ATF7IP: variants seen among roughly 807,000 people sequenced by gnomAD.
ATF7IP encodes the protein activating transcription factor 7 interacting protein.
ATF7IP carries 23 observed loss-of-function variants against 106.4 expected under a neutral mutation model. The ratio of observed to expected loss-of-function variants is 0.22; its 90% CI spans 0.16 to 0.31. ATF7IP has a LOEUF of 0.31. Ranked by LOEUF, ATF7IP falls within the 10% of genes least tolerant of loss-of-function variation. The probability of loss-of-function intolerance (pLI) is 1.00; values close to 1 mark genes in which losing one functional copy is unlikely to be tolerated. For missense variants in ATF7IP, 1,334 were observed against 1,524.3 expected, an observed-to-expected ratio of 0.88 and a Z score of 2.08; for synonymous variants, 542 against 539.0, an observed-to-expected ratio of 1.01 and a Z score of -0.08.
Position 14,425,092 on chromosome 12 carries a change from G to T in ATF7IP, c.1177G>T (p.Asp393Tyr). 1.9e-6 allele frequency: 3 copies of T among 1,589,862 alleles called. No individual in the cohort carries two copies. The South Asian group carries it at 3.5e-5, about 19-fold the overall frequency. ...TGCTATATCTAGCAGTATGGAAATT[G>T]ACCAAGGTGAAAAGAATGAAGATGA... ...EDAISSSMEI[D>Y]QGEKNEDETS... The change falls in exon 2 of 15, where the codon GAC (aspartate) becomes TAC (tyrosine). Residue 393 changes from aspartate to tyrosine, a missense_variant. Physicochemically the swap from Asp to Tyr is radical, Grantham distance 160. Around this residue, in one of 10 missense-constraint regions of ATF7IP, gnomAD observed 438 missense variants for 405.3 expected, o/e 1.08. Transcript: ENST00000261168.
chr12:14,490,364 A>G (rs1420715671), intron 13 of ATF7IP, among the ~76,000 whole-genome samples: 1 of 152,038 alleles, frequency 6.6e-6, no homozygotes, highest in Non-Finnish European at 1.5e-5. Context: ...CTCTTCCCCA[A>G]ATTTCTTTGT....
Position 14,501,871 on chromosome 12 carries a change from A to G in ATF7IP, c.*3798A>G, listed in dbSNP as rs1945167788. 1.3e-5 allele frequency: 2 copies of G among 152,234 alleles called. No individual in the cohort carries two copies. Among genetic ancestry groups the G allele is most frequent in the Non-Finnish European group, 2.9e-5 (2 of 68,044 alleles). The allele number at this position is 152,234 out of a possible 1,614,324, so 9.4% of individuals were successfully genotyped here. A position where few individuals can be genotyped will look rare whatever the true frequency, so the allele number is the denominator to read the frequency against. ...TGCTCTTTTGCTTTAAATATTCTCC[A>G]AATTACCATTTATGCAACATGGTTA... On this transcript the variant is annotated 3_prime_UTR_variant, in exon 15 of 15. Coordinates refer to ENST00000261168, the MANE Select transcript of ATF7IP (RefSeq NM_018179.5).
chr12:14,378,592 T>C (rs1206773937), intron 1 of ATF7IP, among the ~76,000 whole-genome samples: 1 of 152,256 alleles, frequency 6.6e-6, no homozygotes, highest in Non-Finnish European at 1.5e-5. Flanking sequence ...TGTTCTCTTA[T>C]GACCATTTAA....
intron 5 of ATF7IP, among the ~76,000 whole-genome samples, chr12:14,446,456 GT>G (rs1398905270): frequency 6.6e-6 from 1 of 152,106 alleles, no homozygotes; most frequent in Non-Finnish European, 1.5e-5. Context: ...CCAAGGTAAT[GT>G]TTTTATCAGA....
At position 14,496,340 on chromosome 12, in the gene ATF7IP, T is replaced by C; in HGVS notation, c.3390T>C (p.His1130=). 1 of 1,609,708 alleles carries C rather than the reference T, an allele frequency of 6.2e-7. No homozygotes were observed. Among genetic ancestry groups the C allele is most frequent in the Non-Finnish European group, 8.5e-7 (1 of 1,176,186 alleles). Residue 1130 remains histidine (H), a synonymous_variant, in exon 14 of 15, where the codon CAT becomes CAC. Coordinates refer to ENST00000261168, the MANE Select transcript of ATF7IP (RefSeq NM_018179.5). ...TGCATCACCGACCACCACAAGTGCA[T>C]ACTGTAAGTGTTGATGCTTGGTTTT... is the stretch of plus-strand genomic sequence containing the variant. ...LTVHHRPPQV[H]TEPPRPVHPA... is the part of the protein sequence containing the mutation.
At chr12:14,391,477 C>G (rs772480729) in intron 1 of ATF7IP, among the ~76,000 whole-genome samples, 1 of 152,164 alleles carries the variant, frequency 6.6e-6, no homozygotes, top group Non-Finnish European at 1.5e-5. Flanking sequence ...AAGATTACTT[C>G]TGCTCTCGTA....
chr12:14,422,610 A>G (rs1941595048), intron 1 of ATF7IP, among the ~76,000 whole-genome samples: 1 of 152,076 alleles, frequency 6.6e-6, no homozygotes, highest in Non-Finnish European at 1.5e-5. Context: ...CTGTCTCTAG[A>G]TTTGCCTACT....
intron 1 of ATF7IP, among the ~76,000 whole-genome samples, chr12:14,408,147 T>C (rs1460269846): frequency 1.4e-5 from 2 of 140,390 alleles, no homozygotes; most frequent in African/African-American, 5.4e-5. Flanking sequence ...CACACAAATA[T>C]ATATGGACAG....
At chr12:14,431,697 A>T (rs926236828) in intron 2 of ATF7IP, among the ~76,000 whole-genome samples, 1 of 152,080 alleles carries the variant, frequency 6.6e-6, no homozygotes, top group Non-Finnish European at 1.5e-5. Flanking sequence ...CCCGGCAGTA[A>T]AAAAGACATT....
chr12:14,393,620 G>T (rs1051809121), intron 1 of ATF7IP, among the ~76,000 whole-genome samples: 28 of 152,080 alleles, frequency 1.8e-4, no homozygotes, highest in African/African-American at 6.3e-4. Flanking sequence ...TGTGATAGGG[G>T]TAACTTAAGA....
At position 14,475,817 on chromosome 12, in the gene ATF7IP, C is replaced by T. The variant is rs750637498; in HGVS notation, c.2863-73C>T. On this transcript the variant is annotated intron_variant, in intron 10 of 14. Transcript: ENST00000261168. ...TACTCATTAGTCTCATTTTACCTCACTTATCATCTCATTTTTTAACACGTA... is the reference window on the plus strand; with the variant it reads ...TACTCATTAGTCTCATTTTACCTCATTTATCATCTCATTTTTTAACACGTA... 690 of 1,235,778 alleles carry T rather than the reference C, an allele frequency of 5.6e-4. 1 individual carries two copies. Among genetic ancestry groups the T allele is most frequent in the Non-Finnish European group, 7.2e-4 (627 of 870,866 alleles). The allele number at this position is 1,235,778 out of a possible 1,614,324, so 76.6% of individuals were successfully genotyped here. A position where few individuals can be genotyped will look rare whatever the true frequency, so the allele number is the denominator to read the frequency against.
intron 11 of ATF7IP, chr12:14,476,183 AGG>A: frequency 2.4e-6 from 1 of 425,218 alleles, no homozygotes; most frequent in Non-Finnish European, 4.2e-6. Flanking sequence ...CCAAGGCAGG[AGG>A]ATCGAGGCAA....
At chr12:14,425,614 C>A in intron 2 of ATF7IP, 141 bp downstream of exon 2, 2 of 824,804 alleles carry the variant, frequency 2.4e-6, no homozygotes, top group South Asian at 2.5e-5. Context: ...GATGTCTTAA[C>A]TTCATAGAAT....
chr12:14,378,772 T>A (rs1360900350), intron 1 of ATF7IP, among the ~76,000 whole-genome samples: 3 of 152,242 alleles, frequency 2.0e-5, no homozygotes, highest in African/African-American at 7.2e-5. Context: ...TGACTCATGA[T>A]GTCAACTTTA....
chr12:14,384,143 A>C (rs1231991531), intron 1 of ATF7IP, among the ~76,000 whole-genome samples: 3 of 152,178 alleles, frequency 2.0e-5, no homozygotes, highest in African/African-American at 7.2e-5. Context: ...TCATAGGGCC[A>C]ATCTCCTTTT....
intron 1 of ATF7IP, among the ~76,000 whole-genome samples, chr12:14,415,713 G>T: frequency 6.8e-6 from 1 of 146,788 alleles, no homozygotes. Context: ...TTTTAAGATG[G>T]CAGGATAGCT....
chr12:14,377,584 T>A (rs1381696615), intron 1 of ATF7IP, among the ~76,000 whole-genome samples: 1 of 151,876 alleles, frequency 6.6e-6, no homozygotes, highest in African/African-American at 2.4e-5. Flanking sequence ...CTCGATCTCC[T>A]GACCTCGTGA....
intron 1 of ATF7IP, among the ~76,000 whole-genome samples, chr12:14,411,842 A>G (rs2136502190): frequency 6.6e-6 from 1 of 151,282 alleles, no homozygotes; most frequent in East Asian, 1.9e-4. Flanking sequence ...TCTTTGGGTC[A>G]TATCTAAGAA....
chr12:14,484,405 A>G (rs1284280634), intron 13 of ATF7IP, among the ~76,000 whole-genome samples: 1 of 152,208 alleles, frequency 6.6e-6, no homozygotes, highest in Admixed American at 6.5e-5. Context: ...CTCACAAGGG[A>G]TACAAATATC....
Sources: allele counts gnomAD v4.1 joint callset (sites outside exome capture counted in the v4.1 genomes callset), GRCh38; gene constraint gnomAD v4.1.1; regional missense constraint gnomAD v4.1.1; transcripts MANE v1.5; gene names NCBI Gene and HGNC (gene_info 2026-07-23, HGNC 2026-07-21).